The following PCSK5 variants were observed in gnomAD, a reference collection of about 807,000 sequenced individuals.
PCSK5 encodes the protein prohormone convertase 5.
Under a neutral mutation model 233.2 loss-of-function variants are expected in PCSK5, and 129 were observed. The observed-to-expected ratio is 0.55, with a 90% CI of 0.48 to 0.64. PCSK5 has a LOEUF of 0.64. Ranked by LOEUF, PCSK5 falls within the 30% of genes least tolerant of loss-of-function variation. The pLI, the probability that PCSK5 is intolerant of heterozygous loss-of-function variation, is 0.00. For synonymous variants in PCSK5, 825 were observed against 879.2 expected (o/e 0.94, Z 1.09); for missense variants, 2,076 against 2,430.1 (o/e 0.85, Z 3.06).
intron 27 of PCSK5, among the ~76,000 whole-genome samples, chr9:76,301,130 G>A (rs937901540): frequency 6.6e-6 from 1 of 151,876 alleles, no homozygotes. Flanking sequence ...AAATTAGCCA[G>A]GTGTGGTGGC....
At chr9:76,192,983 CTTTT>C (rs5898460) in intron 20 of PCSK5, among the ~76,000 whole-genome samples, 103 of 147,414 alleles carry the variant, frequency 7.0e-4, no homozygotes, top group African/African-American at 2.0e-3. Flanking sequence ...TTTTTCTAAT[CTTTT>C]TTTTTTTTCA....
chr9:76,259,472 C>CACAT, intron 24 of PCSK5, among the ~76,000 whole-genome samples: 1 of 151,926 alleles, frequency 6.6e-6, no homozygotes, highest in South Asian at 2.1e-4. Flanking sequence ...CACACACACA[C>CACAT]ACACACACAC....
chr9:75,915,578 T>C (rs560282413), intron 1 of PCSK5, among the ~76,000 whole-genome samples: 89 of 152,340 alleles, frequency 5.8e-4, no homozygotes, highest in African/African-American at 2.0e-3. Context: ...TATGAAGCCC[T>C]GTTCTTTCAC....
Position 76,243,451 on chromosome 9 carries a change from C to T in PCSK5, c.3142+2767C>T, listed in dbSNP as rs531733638. Reference sequence around the variant, plus strand: ...AAGGGTGACAAGACCATTCTAAATACCTCTAATTTCTCATTTTAAATTCTA... The same window carrying T: ...AAGGGTGACAAGACCATTCTAAATATCTCTAATTTCTCATTTTAAATTCTA... On this transcript the variant is annotated intron_variant, in intron 24 of 37. Coordinates refer to ENST00000674117, the MANE Select transcript of PCSK5 (RefSeq NM_001372043.1). 7.2e-5 allele frequency among the ~76,000 whole-genome samples: 11 copies of T among 152,234 alleles called. No homozygotes were observed. In the South Asian group the frequency reaches 2.3e-3, roughly 32 times the overall value.
intron 23 of PCSK5, 133 bp downstream of exon 23, chr9:76,239,298 C>A (rs1826354431): frequency 2.0e-5 from 14 of 683,550 alleles, no homozygotes; most frequent in South Asian, 2.0e-4. Flanking sequence ...TGACTCCCAA[C>A]CCTAGTGGGG....
chr9:75,934,851 C>G (rs1214118534), intron 2 of PCSK5, among the ~76,000 whole-genome samples: 1 of 152,076 alleles, frequency 6.6e-6, no homozygotes. Context: ...TCCCAAAGTG[C>G]TGGGATTACA....
intron 1 of PCSK5, among the ~76,000 whole-genome samples, chr9:75,923,418 G>T (rs1297563629): frequency 2.6e-5 from 4 of 151,850 alleles, no homozygotes; most frequent in Non-Finnish European, 5.9e-5. Flanking sequence ...TTCATTTTGG[G>T]CTTCAGTTTG....
chr9:76,177,226 G>A (rs1375294497), intron 14 of PCSK5, among the ~76,000 whole-genome samples: 2 of 152,008 alleles, frequency 1.3e-5, no homozygotes, highest in African/African-American at 2.4e-5. Context: ...CTCAGGAGGC[G>A]GAGGTTGTAG....
At chr9:76,337,441 T>G (rs1451816125) in intron 34 of PCSK5, among the ~76,000 whole-genome samples, 1 of 152,146 alleles carries the variant, frequency 6.6e-6, no homozygotes, top group East Asian at 1.9e-4. Context: ...CCCAAAGTGC[T>G]GGGATTACAG....
At chr9:76,121,964 C>T (rs1832657777) in intron 9 of PCSK5, among the ~76,000 whole-genome samples, 2 of 104,210 alleles carry the variant, frequency 1.9e-5, no homozygotes, top group South Asian at 6.5e-4. Flanking sequence ...GCAGGGACTA[C>T]AGGCGCCCGC....
chr9:76,291,162 T>G (rs1828264868), intron 24 of PCSK5, among the ~76,000 whole-genome samples: 2 of 152,220 alleles, frequency 1.3e-5, no homozygotes, highest in Non-Finnish European at 2.9e-5. Flanking sequence ...TTAGTTGTAT[T>G]ATGTGTAGTA....
chr9:76,345,827 C>A (rs1829965400), intron 35 of PCSK5, among the ~76,000 whole-genome samples: 1 of 152,088 alleles, frequency 6.6e-6, no homozygotes, highest in Non-Finnish European at 1.5e-5. Context: ...TCAAGCAATT[C>A]TCCTGTCTCA....
intron 33 of PCSK5, among the ~76,000 whole-genome samples, chr9:76,331,666 C>CAA (rs368431038): frequency 0.011 from 1,292 of 119,626 alleles, 14 homozygotes; most frequent in African/African-American, 0.035. Flanking sequence ...GACTCCATCT[C>CAA]AAAAAAAAAA....
At chr9:76,260,182 T>G (rs530914198) in intron 24 of PCSK5, among the ~76,000 whole-genome samples, 4 of 152,330 alleles carry the variant, frequency 2.6e-5, no homozygotes, top group African/African-American at 9.6e-5. Context: ...AGACTCCTCA[T>G]GTAAATGGAG....
At chr9:75,995,099 G>T (rs144437712) in intron 3 of PCSK5, among the ~76,000 whole-genome samples, 1 of 152,274 alleles carries the variant, frequency 6.6e-6, no homozygotes, top group East Asian at 1.9e-4. Context: ...CCTCTGCTGG[G>T]TTAATTCCAA....
chr9:76,117,932 G>A (rs1185941787), intron 9 of PCSK5, among the ~76,000 whole-genome samples: 1 of 152,172 alleles, frequency 6.6e-6, no homozygotes, highest in Admixed American at 6.5e-5. Flanking sequence ...AAACCTTTGC[G>A]AACAACTTGG....
chr9:76,168,971 T>A (rs1282878569), intron 12 of PCSK5, among the ~76,000 whole-genome samples: 1 of 152,236 alleles, frequency 6.6e-6, no homozygotes, highest in Admixed American at 6.5e-5. Flanking sequence ...TGTAGTCTTT[T>A]GTATCTGGCT....
At chr9:76,331,643 G>A (rs1829538773) in intron 33 of PCSK5, among the ~76,000 whole-genome samples, 1 of 150,576 alleles carries the variant, frequency 6.6e-6, no homozygotes, top group Non-Finnish European at 1.5e-5. Flanking sequence ...CTCCAGCCTG[G>A]GCGACAGAGT....
chr9:76,176,747 G>A (rs1042845878), intron 14 of PCSK5, among the ~76,000 whole-genome samples: 1 of 152,116 alleles, frequency 6.6e-6, no homozygotes, highest in Admixed American at 6.5e-5. Context: ...TGGTGTGTAG[G>A]AAATCTATTG....
Sources: gnomAD v4.1 joint callset for allele counts (sites outside exome capture counted in the v4.1 genomes callset) on GRCh38, gnomAD v4.1.1 for gene constraint, MANE v1.5 for transcripts, NCBI Gene and HGNC (gene_info 2026-07-23, HGNC 2026-07-21) for gene names.